The following LAPTM4B variants were observed in gnomAD, a reference collection of about 807,000 sequenced individuals.
LAPTM4B encodes lysosomal protein transmembrane 4 beta.
LAPTM4B carries 26 observed loss-of-function variants against 28.5 expected under a neutral mutation model. The ratio of observed to expected loss-of-function variants is 0.91; its 90% confidence interval spans 0.67 to 1.27. LAPTM4B has a LOEUF of 1.27. LAPTM4B is among the 50% of genes most tolerant of loss of function. The probability of loss-of-function intolerance (pLI) is 0.00; values close to 1 mark genes in which losing one functional copy is unlikely to be tolerated. For synonymous variants in LAPTM4B, 109 were observed against 106.4 expected, an observed-to-expected ratio of 1.02 and a Z score of -0.15; for missense variants, 288 against 285.8, an observed-to-expected ratio of 1.01 and a Z score of -0.06.
At chr8:97,787,880 T>C (rs916341864) in intron 1 of LAPTM4B, among the ~76,000 whole-genome samples, 1 of 152,120 alleles carries the variant, frequency 6.6e-6, no homozygotes, top group Non-Finnish European at 1.5e-5. Context: ...TCGCCCAGGC[T>C]GGAGAGCGCA....
intron 2 of LAPTM4B, among the ~76,000 whole-genome samples, chr8:97,808,027 CG>C (rs1484244677): frequency 2.0e-5 from 3 of 151,172 alleles, no homozygotes; most frequent in Non-Finnish European, 2.9e-5. Context: ...CGCCATGTTG[CG>C]TAGGCTGGTC....
Position 97,781,278 on chromosome 8 carries a change from C to CTTTTTTTTTTTTTT in LAPTM4B, c.99+5178_99+5191dup, listed in dbSNP as rs71271147. On this transcript the variant is annotated intron_variant, in intron 1 of 6. Coordinates refer to ENST00000521545, the MANE Select transcript of LAPTM4B (RefSeq NM_018407.6). Reference sequence around the variant, plus strand: ...ACAGGCGTGAGCCACTGTGCCCGGCCTTTTTTTTTTTTTTTTTTTTTGAGG... The same window carrying CTTTTTTTTTTTTTT: ...ACAGGCGTGAGCCACTGTGCCCGGCCTTTTTTTTTTTTTTTTTTTTTTTTTTTTTTTTTTTGAGG... Among the ~76,000 whole-genome samples, 129 of 50,840 alleles carry CTTTTTTTTTTTTTT rather than the reference C, an allele frequency of 2.5e-3. 14 individuals carry two copies. The highest frequency in any genetic ancestry group is 0.014 in the African/African-American group (123 of 9,048). The allele number at this position is 50,840 out of a possible 152,430, so 33.4% of individuals were successfully genotyped here.
At chr8:97,803,493 C>T (rs990924031) in intron 1 of LAPTM4B, among the ~76,000 whole-genome samples, 11 of 152,020 alleles carry the variant, frequency 7.2e-5, no homozygotes, top group Non-Finnish European at 1.2e-4. Flanking sequence ...AGGCTGGTCT[C>T]GAACTCCTAA....
At chr8:97,811,817 A>G (rs540451059) in intron 2 of LAPTM4B, among the ~76,000 whole-genome samples, 41 of 152,006 alleles carry the variant, frequency 2.7e-4, no homozygotes, top group Non-Finnish European at 2.5e-4. Context: ...TTTGTATTTT[A>G]TTTTTTGAGA....
intron 1 of LAPTM4B, among the ~76,000 whole-genome samples, chr8:97,787,002 G>C (rs1816413763): frequency 1.3e-5 from 2 of 152,094 alleles, no homozygotes; most frequent in African/African-American, 4.8e-5. Flanking sequence ...ACCCAGGCTG[G>C]GGGGTGGGGG....
chr8:97,848,022 G>A (rs1234984193), intron 6 of LAPTM4B, among the ~76,000 whole-genome samples: 1 of 152,324 alleles, frequency 6.6e-6, no homozygotes, highest in East Asian at 1.9e-4. Context: ...CCTGTACTTT[G>A]GGAGGCTGAG....
At chr8:97,842,664 G>A (rs986967973) in intron 6 of LAPTM4B, among the ~76,000 whole-genome samples, 2 of 150,706 alleles carry the variant, frequency 1.3e-5, no homozygotes, top group Non-Finnish European at 3.0e-5. Context: ...GACTACAGGC[G>A]CCCGCCACCA....
chr8:97,796,497 T>C (rs1476572965), intron 1 of LAPTM4B, among the ~76,000 whole-genome samples: 1 of 152,266 alleles, frequency 6.6e-6, no homozygotes, highest in African/African-American at 2.4e-5. Flanking sequence ...TTATTATTGA[T>C]CATTGTCTTA....
At chr8:97,813,115 A>C (rs748193253) in intron 2 of LAPTM4B, among the ~76,000 whole-genome samples, 36 of 152,242 alleles carry the variant, frequency 2.4e-4, no homozygotes, top group Non-Finnish European at 4.7e-4. Context: ...TTATATGACC[A>C]CAAGGTAAAG....
rs939520907 is a variant in LAPTM4B at position 97,786,441 on chromosome 8, C to T, written c.99+10333C>T. On this transcript the variant is annotated intron_variant, in intron 1 of 6. Coordinates refer to ENST00000521545, the MANE Select transcript of LAPTM4B (RefSeq NM_018407.6). ...AAACAAGGCCGGGTGTGGTGGCTCA[C>T]GCCTGTAATCCCAGCACTTTGGGAG... Among the ~76,000 whole-genome samples, 9 of 150,542 alleles carry T rather than the reference C, an allele frequency of 6.0e-5. 1 individual carries two copies. Among genetic ancestry groups the T allele is most frequent in the East Asian group, 1.9e-4 (1 of 5,168 alleles).
At chr8:97,842,375 C>T (rs1416589394) in intron 6 of LAPTM4B, among the ~76,000 whole-genome samples, 5 of 152,156 alleles carry the variant, frequency 3.3e-5, no homozygotes, top group Non-Finnish European at 5.9e-5. Context: ...GCTGAGTTTT[C>T]TAGGCAACTG....
chr8:97,777,003 T>G (rs1816230220), intron 1 of LAPTM4B, among the ~76,000 whole-genome samples: 1 of 152,076 alleles, frequency 6.6e-6, no homozygotes, highest in Admixed American at 6.6e-5. Context: ...TGAGTCGGAT[T>G]CCGCTGCATT....
At chr8:97,848,352 G>A (rs191262117) in intron 6 of LAPTM4B, among the ~76,000 whole-genome samples, 6 of 152,010 alleles carry the variant, frequency 3.9e-5, no homozygotes, top group Admixed American at 2.0e-4. Context: ...GTGACAGACC[G>A]CCAAATGTAA....
chr8:97,840,677 T>C (rs917971569), intron 6 of LAPTM4B, among the ~76,000 whole-genome samples: 9 of 152,234 alleles, frequency 5.9e-5, no homozygotes, highest in African/African-American at 1.7e-4. Flanking sequence ...AGGTAAACTT[T>C]AATGTTGAAA....
chr8:97,805,744 A>G (rs1408235018), intron 2 of LAPTM4B, among the ~76,000 whole-genome samples: 1 of 152,192 alleles, frequency 6.6e-6, no homozygotes, highest in Non-Finnish European at 1.5e-5. Flanking sequence ...AGGAAGGGGT[A>G]TAAATGCCAG....
chr8:97,822,122 C>G (rs1292006296), intron 5 of LAPTM4B, among the ~76,000 whole-genome samples: 7 of 152,178 alleles, frequency 4.6e-5, no homozygotes, highest in African/African-American at 1.7e-4. Context: ...ACATGTTGTC[C>G]TCTGACCTCC....
intron 2 of LAPTM4B, among the ~76,000 whole-genome samples, chr8:97,810,027 T>G (rs746494183): frequency 3.3e-5 from 5 of 152,134 alleles, no homozygotes; most frequent in Non-Finnish European, 7.4e-5. Flanking sequence ...CCTCTTGGGC[T>G]CAAGCGATTC....
At chr8:97,820,055 A>G (rs894102150) in intron 5 of LAPTM4B, among the ~76,000 whole-genome samples, 4 of 152,140 alleles carry the variant, frequency 2.6e-5, no homozygotes, top group African/African-American at 7.2e-5. Context: ...TCTTAAAATC[A>G]GGGTGTTCAT....
At chr8:97,821,508 TCAAA>T (rs1817001611) in intron 5 of LAPTM4B, among the ~76,000 whole-genome samples, 1 of 151,870 alleles carries the variant, frequency 6.6e-6, no homozygotes, top group Non-Finnish European at 1.5e-5. Context: ...TTATTGGTAA[TCAAA>T]CAAAGAAGCA....
Sources: allele counts gnomAD v4.1 joint callset (sites outside exome capture counted in the v4.1 genomes callset), GRCh38; gene constraint gnomAD v4.1.1; transcripts MANE v1.5; gene names NCBI Gene and HGNC (gene_info 2026-07-23, HGNC 2026-07-21).